Variants in CCDC171 observed in about 807,000 individuals in gnomAD.
CCDC171 encodes coiled-coil domain containing 171.
In CCDC171, 177 loss-of-function variants were observed where a neutral mutation model predicts 168.2. That is an observed-to-expected ratio of 1.05 (90% CI 0.93 to 1.19). The LOEUF is 1.19. CCDC171 is among the 50% of genes most tolerant of loss of function. The probability of loss-of-function intolerance (pLI) is 0.00; values close to 1 mark genes in which losing one functional copy is unlikely to be tolerated. For synonymous variants in CCDC171, 687 were observed against 540.8 expected, an observed-to-expected ratio of 1.27 and a Z score of -3.75; for missense variants, 1,991 against 1,539.0, an observed-to-expected ratio of 1.29 and a Z score of -4.91.
chr9:15,571,338 T>C (rs986078000), intron 2 of CCDC171, among the ~76,000 whole-genome samples: 1 of 152,228 alleles, frequency 6.6e-6, no homozygotes, highest in African/African-American at 2.4e-5. Flanking sequence ...TCCAAAATTA[T>C]CCAGCTTGTG....
chr9:15,922,690 C>T (rs557132967), intron 25 of CCDC171, among the ~76,000 whole-genome samples: 1 of 151,624 alleles, frequency 6.6e-6, no homozygotes, highest in African/African-American at 2.4e-5. Context: ...CTACAACCAG[C>T]GTGTGCAAAG....
chr9:15,871,436 C>A (rs148869279), intron 23 of CCDC171, among the ~76,000 whole-genome samples: 2 of 151,662 alleles, frequency 1.3e-5, no homozygotes, highest in African/African-American at 4.8e-5. Context: ...ATTCCTAATT[C>A]ACACTAAACT....
At chr9:15,729,469 T>G (rs947343695) in intron 15 of CCDC171, 141 bp from the exon 16 acceptor site, 4 of 490,660 alleles carry the variant, frequency 8.2e-6, no homozygotes, top group Admixed American at 7.7e-5. Flanking sequence ...TAAATTTCTT[T>G]ATTTACATTT....
chr9:15,638,592 C>G (rs1328222447), intron 7 of CCDC171, among the ~76,000 whole-genome samples: 1 of 151,890 alleles, frequency 6.6e-6, no homozygotes, highest in African/African-American at 2.4e-5. Flanking sequence ...GTTTTAAATT[C>G]TAGTGAAGCT....
At chr9:15,721,715 G>A (rs1453152531) in intron 11 of CCDC171, 54 bp from the exon 12 acceptor site, 5 of 997,344 alleles carry the variant, frequency 5.0e-6, no homozygotes, top group African/African-American at 1.7e-5. Flanking sequence ...ATTTGCCTAA[G>A]TTTTGTCCCT....
chr9:16,095,037 C>A, the CCDC171 span, among the ~76,000 whole-genome samples: 1 of 152,214 alleles, frequency 6.6e-6, no homozygotes, highest in East Asian at 1.9e-4. Flanking sequence ...CTTCCCTTCT[C>A]TTTCCTCTGT....
chr9:15,716,081 C>T (rs1360907199), intron 11 of CCDC171, among the ~76,000 whole-genome samples: 1 of 152,144 alleles, frequency 6.6e-6, no homozygotes, highest in Non-Finnish European at 1.5e-5. Context: ...AAAAATTCAC[C>T]ATCACATCCC....
chr9:15,736,637 C>T (rs770579211), intron 16 of CCDC171, among the ~76,000 whole-genome samples: 9 of 151,286 alleles, frequency 5.9e-5, no homozygotes, highest in Non-Finnish European at 1.0e-4. Flanking sequence ...CAAATGTGAG[C>T]CACGGTGCCC....
intron 6 of CCDC171, among the ~76,000 whole-genome samples, chr9:15,609,130 C>T (rs1207349703): frequency 2.7e-5 from 4 of 150,232 alleles, no homozygotes; most frequent in African/African-American, 4.9e-5. Context: ...CACGGAGTCT[C>T]GCTCTGTCAT....
intron 16 of CCDC171, among the ~76,000 whole-genome samples, chr9:15,733,354 C>G (rs895453958): frequency 1.3e-5 from 2 of 151,870 alleles, no homozygotes; most frequent in Admixed American, 6.6e-5. Context: ...TGTAAGAACT[C>G]TTTGCCTAAG....
At chr9:15,650,341 A>G (rs915840655) in intron 7 of CCDC171, among the ~76,000 whole-genome samples, 20 of 152,188 alleles carry the variant, frequency 1.3e-4, no homozygotes, top group African/African-American at 4.8e-4. Flanking sequence ...TGGCACGTGT[A>G]TACATATGTA....
rs1428967904 is a variant in CCDC171, at chr9:15,882,996, T to TGCCTGCCTGCCTGCCTGCCTGCCTGCCTG, written c.3600+8333_3600+8334insGCCTGCCTGCCTGCCTGCCTGCCTGCCTG. 1.1e-3 allele frequency: 7 copies of TGCCTGCCTGCCTGCCTGCCTGCCTGCCTG among 6,530 alleles called. 1 individual carries two copies. Among genetic ancestry groups the TGCCTGCCTGCCTGCCTGCCTGCCTGCCTG allele is most frequent in the Admixed American group, 2.3e-3 (1 of 444 alleles). The allele number at this position is 6,530 out of a possible 1,614,324, so 0.4% of individuals were successfully genotyped here. On this transcript the variant is annotated intron_variant, in intron 24 of 25. Transcript: ENST00000380701. ...TAAAAGCCAGCCTGCCTGCCTGCCT[T>TGCCTGCCTGCCTGCCTGCCTGCCTGCCTG]CCTTCCTTCCTTCCTTCCTTCCTCC... is the stretch of plus-strand genomic sequence containing the variant.
intron 10 of CCDC171, among the ~76,000 whole-genome samples, chr9:15,681,125 T>C (rs933416474): frequency 3.3e-5 from 5 of 152,154 alleles, no homozygotes; most frequent in Non-Finnish European, 7.4e-5. Context: ...CAGCAACCTT[T>C]GTTTTCCTGT....
chr9:15,846,591 C>T (rs1002322766), intron 21 of CCDC171, 111 bp from the exon 22 acceptor site: 2 of 1,101,728 alleles, frequency 1.8e-6, no homozygotes, highest in Non-Finnish European at 1.3e-6. Context: ...GTGTAATGAC[C>T]CAAGTCTACT....
intron 23 of CCDC171, among the ~76,000 whole-genome samples, chr9:15,849,359 C>CAT (rs200756556): frequency 0.025 from 3,758 of 150,906 alleles, 167 homozygotes; most frequent in African/African-American, 0.086. Context: ...TAGTAATACT[C>CAT]ATATATATAA....
chr9:15,636,697 C>T (rs1283647506), intron 7 of CCDC171, among the ~76,000 whole-genome samples: 3 of 136,616 alleles, frequency 2.2e-5, no homozygotes, highest in Non-Finnish European at 3.0e-5. Context: ...CTGCAGTGAG[C>T]TGTGATCGTG....
At chr9:15,719,485 A>C (rs1406675249) in intron 11 of CCDC171, among the ~76,000 whole-genome samples, 4 of 151,308 alleles carry the variant, frequency 2.6e-5, no homozygotes, top group Non-Finnish European at 5.9e-5. Flanking sequence ...GGACTTTCCA[A>C]AGCTAGAGAA....
intron 6 of CCDC171, among the ~76,000 whole-genome samples, chr9:16,033,927 T>C (rs1833413876): frequency 6.6e-6 from 1 of 152,054 alleles, no homozygotes. Context: ...CACAGGGAGC[T>C]CAAGGGAGGA....
At chr9:15,649,383 C>T (rs1033393579) in intron 7 of CCDC171, among the ~76,000 whole-genome samples, 6 of 152,050 alleles carry the variant, frequency 3.9e-5, no homozygotes, top group African/African-American at 1.4e-4. Flanking sequence ...GCAACAAAAG[C>T]CAAAATTGAC....
Sources: gnomAD v4.1 joint callset for allele counts (sites outside exome capture counted in the v4.1 genomes callset) on GRCh38, gnomAD v4.1.1 for gene constraint, MANE v1.5 for transcripts, NCBI Gene and HGNC (gene_info 2026-07-23, HGNC 2026-07-21) for gene names.